The following SH3RF3 variants were observed in gnomAD, a reference collection of about 807,000 sequenced individuals.
The protein encoded by SH3RF3 is SH3 domain containing ring finger 3, also known as E3 ubiquitin-protein ligase SH3RF3.
A neutral mutation model predicts 66.3 loss-of-function variants in SH3RF3; 29 were observed. The observed-to-expected ratio is 0.44, with a 90% CI of 0.33 to 0.60. The LOEUF (loss-of-function observed/expected upper bound fraction) is 0.60, where lower values mean the gene tolerates loss of function less well. SH3RF3 is among the 20% of genes least tolerant of loss of function. The probability of loss-of-function intolerance (pLI) is 0.04; values close to 1 mark genes in which losing one functional copy is unlikely to be tolerated. For synonymous variants in SH3RF3, 583 were observed against 532.0 expected (o/e 1.10, Z -1.32); for missense variants, 1,194 against 1,190.9 (o/e 1.00, Z -0.04).
intron 1 of SH3RF3, among the ~76,000 whole-genome samples, chr2:109,267,190 T>C (rs1476441296): frequency 6.6e-6 from 1 of 151,998 alleles, no homozygotes; most frequent in African/African-American, 2.4e-5. Context: ...TGTGCTTAGG[T>C]TTCGTCATAT....
intron 1 of SH3RF3, among the ~76,000 whole-genome samples, chr2:109,290,379 T>C (rs1483282459): frequency 6.6e-6 from 1 of 152,226 alleles, no homozygotes; most frequent in Non-Finnish European, 1.5e-5. Flanking sequence ...CAGGGATGAA[T>C]GTACCATAAA....
chr2:109,494,200 A>T (rs1573296930), intron 9 of SH3RF3, among the ~76,000 whole-genome samples: 1 of 152,236 alleles, frequency 6.6e-6, no homozygotes, highest in African/African-American at 2.4e-5. Flanking sequence ...CTATAAAGTC[A>T]TGGGCATCTC....
chr2:109,360,612 A>G (rs980160235), intron 2 of SH3RF3, among the ~76,000 whole-genome samples: 1 of 152,240 alleles, frequency 6.6e-6, no homozygotes, highest in South Asian at 2.1e-4. Flanking sequence ...AGCATTTCAA[A>G]TAAAAGATAC....
intron 1 of SH3RF3, chr2:109,251,566 G>A: frequency 1.2e-6 from 1 of 813,388 alleles, no homozygotes; most frequent in Non-Finnish European, 2.2e-6. Flanking sequence ...TGTGGAGATG[G>A]CGACTGGTGG....
At chr2:109,229,194 T>C (rs959739249) in intron 1 of SH3RF3, among the ~76,000 whole-genome samples, 4 of 152,180 alleles carry the variant, frequency 2.6e-5, no homozygotes, top group African/African-American at 9.7e-5. Context: ...AGACCAAATA[T>C]GTATTTTTAT....
At chr2:109,435,710 G>T (rs539507798) in intron 6 of SH3RF3, among the ~76,000 whole-genome samples, 1 of 152,216 alleles carries the variant, frequency 6.6e-6, no homozygotes. Context: ...GTTGTGTTCA[G>T]ACTTGTCAAT....
intron 3 of SH3RF3, among the ~76,000 whole-genome samples, chr2:109,381,373 G>A (rs1168776863): frequency 6.6e-6 from 1 of 152,158 alleles, no homozygotes; most frequent in African/African-American, 2.4e-5. Context: ...GGTCAATGGC[G>A]GGGTTACTTT....
rs182254096 is a variant in SH3RF3, at chr2:109,246,898, C to T, written c.574-100776C>T. 7.3e-3 allele frequency among the ~76,000 whole-genome samples: 1,108 copies of T among 152,240 alleles called. 8 individuals carry two copies. The highest frequency in any genetic ancestry group is 0.023 in the South Asian group (113 of 4,814). On this transcript the variant is annotated intron_variant, in intron 1 of 9. Transcript: ENST00000309415. ...GGTGGCACAGGTTTGATGCTAGGAC[C>T]CCTCTGACTCAGGGCTCCAGGCCAA...
chr2:109,441,631 T>A (rs566002961), intron 7 of SH3RF3, among the ~76,000 whole-genome samples: 2 of 152,140 alleles, frequency 1.3e-5, no homozygotes, highest in African/African-American at 4.8e-5. Flanking sequence ...GAAAAATGAT[T>A]TGAAGAAATA....
intron 5 of SH3RF3, among the ~76,000 whole-genome samples, chr2:109,427,182 T>G (rs1573242338): frequency 6.6e-6 from 1 of 152,122 alleles, no homozygotes; most frequent in South Asian, 2.1e-4. Flanking sequence ...TTGTCCCAGC[T>G]GGTCTCAAAC....
intron 1 of SH3RF3, among the ~76,000 whole-genome samples, chr2:109,131,210 A>G (rs1266240437): frequency 1.3e-5 from 2 of 152,110 alleles, no homozygotes; most frequent in South Asian, 2.1e-4. Context: ...AAACCCTTGG[A>G]TGTTGAGCTT....
intron 1 of SH3RF3, among the ~76,000 whole-genome samples, chr2:109,252,996 G>T (rs10177036): frequency 0.75 from 114,458 of 152,090 alleles, 43,608 homozygotes; most frequent in East Asian, 0.89. Context: ...CAGTTTAAAT[G>T]TAGACCCACA....
intron 1 of SH3RF3, among the ~76,000 whole-genome samples, chr2:109,234,243 G>T (rs1679588913): frequency 6.6e-6 from 1 of 152,220 alleles, no homozygotes; most frequent in Non-Finnish European, 1.5e-5. Context: ...GAATGGACTA[G>T]ATTCTGAAAC....
At chr2:109,366,516 A>G (rs1352071856) in intron 2 of SH3RF3, among the ~76,000 whole-genome samples, 1 of 152,244 alleles carries the variant, frequency 6.6e-6, no homozygotes, top group Non-Finnish European at 1.5e-5. Flanking sequence ...ATATATACAT[A>G]CTTGAGGAGA....
chr2:109,338,604 C>G (rs758736368), intron 1 of SH3RF3, among the ~76,000 whole-genome samples: 1 of 152,208 alleles, frequency 6.6e-6, no homozygotes, highest in Non-Finnish European at 1.5e-5. Flanking sequence ...GTTGCCCAGA[C>G]TGGAATGCAG....
intron 1 of SH3RF3, among the ~76,000 whole-genome samples, chr2:109,337,322 G>T (rs1298989226): frequency 6.6e-6 from 1 of 152,224 alleles, no homozygotes; most frequent in African/African-American, 2.4e-5. Context: ...TGGGTGCAGG[G>T]TGCATCGGGC....
intron 1 of SH3RF3, among the ~76,000 whole-genome samples, chr2:109,341,473 G>C (rs1291836299): frequency 1.3e-5 from 2 of 152,240 alleles, no homozygotes; most frequent in African/African-American, 4.8e-5. Context: ...ATGAAAGTCA[G>C]TGCCTTGGCT....
intron 1 of SH3RF3, among the ~76,000 whole-genome samples, chr2:109,188,744 C>G (rs927205081): frequency 2.6e-5 from 4 of 152,196 alleles, no homozygotes; most frequent in African/African-American, 7.2e-5. Context: ...CTTTGAGACT[C>G]TGAGAGACAC....
At chr2:109,479,727 A>G (rs1285131645) in intron 8 of SH3RF3, among the ~76,000 whole-genome samples, 5 of 152,194 alleles carry the variant, frequency 3.3e-5, no homozygotes, top group Non-Finnish European at 5.9e-5. Flanking sequence ...AAAGGAGGGA[A>G]TGAACCCCCT....
Sources: gnomAD v4.1 joint callset for allele counts (sites outside exome capture counted in the v4.1 genomes callset) on GRCh38, gnomAD v4.1.1 for gene constraint, MANE v1.5 for transcripts, NCBI Gene and HGNC (gene_info 2026-07-23, HGNC 2026-07-21) for gene names.